Variants in SPAG1 observed in about 807,000 individuals in gnomAD.
SPAG1 encodes sperm-associated antigen 1.
A neutral mutation model predicts 100.5 loss-of-function variants in SPAG1; 69 were observed. That is an observed-to-expected ratio of 0.69 (90% CI 0.57 to 0.84). The LOEUF is 0.84. Ranked by LOEUF, SPAG1 falls within the 40% of genes least tolerant of loss-of-function variation. The pLI, the probability that SPAG1 is intolerant of heterozygous loss-of-function variation, is 0.00. For missense variants in SPAG1, 955 were observed against 1,133.1 expected, an observed-to-expected ratio of 0.84 and a Z score of 2.26; for synonymous variants, 336 against 411.6, an observed-to-expected ratio of 0.82 and a Z score of 2.22.
chr8:100,170,799 CCATTTATT>C (rs1815783400), intron 3 of SPAG1, among the ~76,000 whole-genome samples: 1 of 134,808 alleles, frequency 7.4e-6, no homozygotes, highest in Non-Finnish European at 1.6e-5. Context: ...TTCCAGTCTG[CCATTTATT>C]TATTTATTTA....
At position 100,165,801 on chromosome 8, in the gene SPAG1, A is replaced by C; in HGVS notation, c.141-13A>C. 1 of 1,603,192 alleles carries C rather than the reference A, an allele frequency of 6.2e-7. No individual in the cohort carries two copies. The highest frequency in any genetic ancestry group is 8.5e-7 in the Non-Finnish European group (1 of 1,175,812). ...AAGGTGCTAACTCTAAAACTTATTT[A>C]TTTCTTTTTAAGATCTGGTGAGGAA... On this transcript the variant is annotated splice_polypyrimidine_tract_variant and intron_variant, in intron 2 of 18. Coordinates refer to ENST00000388798, the MANE Select transcript of SPAG1 (RefSeq NM_003114.5).
intron 13 of SPAG1, among the ~76,000 whole-genome samples, chr8:100,222,086 AC>A (rs1422562176): frequency 1.3e-5 from 2 of 152,142 alleles, no homozygotes; most frequent in Non-Finnish European, 2.9e-5. Context: ...CTGCACAGCC[AC>A]CCCACGGTGC....
chr8:100,158,839 C>G (rs1563763954), intron 1 of SPAG1: 2 of 151,806 alleles, frequency 1.3e-5, no homozygotes, highest in African/African-American at 4.8e-5. Context: ...AAAAGAGAAT[C>G]CTTTTTTTTC....
chr8:100,158,764 T>G (rs1815178077), intron 1 of SPAG1, 148 bp downstream of exon 1: 1 of 152,188 alleles, frequency 6.6e-6, no homozygotes, highest in South Asian at 2.1e-4. Context: ...GTATAACTTG[T>G]TTTTTGGAAC....
In SPAG1 at chr8:100,177,875, A is replaced by G; in HGVS notation, c.360A>G (p.Thr120=). Reference sequence around the variant, plus strand: ...AAATGCACTTTCATGAAACTGAGACATTTCCAGCAATGAAAGATAATTTGC... The same window carrying G: ...AAATGCACTTTCATGAAACTGAGACGTTTCCAGCAATGAAAGATAATTTGC... ...EDKMHFHETE[T]FPAMKDNLPP... The change falls in exon 4 of 19, where the codon ACA becomes ACG. Residue 120 remains threonine (T), a synonymous_variant. Transcript: ENST00000388798. 6.2e-7 allele frequency: 1 copy of G among 1,600,100 alleles called. No homozygotes were observed. Among genetic ancestry groups the G allele is most frequent in the Non-Finnish European group, 8.6e-7 (1 of 1,167,350 alleles).
At chr8:100,234,119 G>A (rs1209171753) in intron 16 of SPAG1, among the ~76,000 whole-genome samples, 1 of 152,144 alleles carries the variant, frequency 6.6e-6, no homozygotes, top group Non-Finnish European at 1.5e-5. Context: ...CTTCTGCATG[G>A]AAATCCTGAG....
chr8:100,212,998 T>TC, intron 10 of SPAG1, 92 bp from the exon 11 acceptor site: 1 of 1,075,200 alleles, frequency 9.3e-7, no homozygotes, highest in Non-Finnish European at 1.2e-6. Flanking sequence ...GAGCCCGCCC[T>TC]CCGCGTCCTG....
At chr8:100,240,081 G>A (rs1819188259) in intron 17 of SPAG1, among the ~76,000 whole-genome samples, 2 of 152,130 alleles carry the variant, frequency 1.3e-5, no homozygotes, top group Non-Finnish European at 1.5e-5. Context: ...ATCGAGCAAT[G>A]TAAGTTCATT....
At chr8:100,238,886 T>G (rs1423460948) in intron 16 of SPAG1, among the ~76,000 whole-genome samples, 1 of 152,216 alleles carries the variant, frequency 6.6e-6, no homozygotes, top group African/African-American at 2.4e-5. Context: ...ATCTTAAGTT[T>G]CATTGCTAGT....
intron 15 of SPAG1, among the ~76,000 whole-genome samples, chr8:100,232,185 C>A (rs1298744378): frequency 6.6e-6 from 1 of 152,110 alleles, no homozygotes; most frequent in Admixed American, 6.6e-5. Flanking sequence ...TTCTGTTCAG[C>A]CTCTGTAGGA....
intron 10 of SPAG1, among the ~76,000 whole-genome samples, chr8:100,205,464 C>T (rs552955676): frequency 3.0e-4 from 46 of 152,186 alleles, no homozygotes; most frequent in Admixed American, 5.2e-4. Flanking sequence ...GGACTTACAG[C>T]GGGTTCAGTG....
At chr8:100,190,038 C>T (rs899689105) in intron 8 of SPAG1, among the ~76,000 whole-genome samples, 7 of 152,052 alleles carry the variant, frequency 4.6e-5, no homozygotes, top group African/African-American at 7.2e-5. Context: ...CAGGCAGGCG[C>T]GGTGGCTCAT....
At chr8:100,205,233 C>G (rs1386905905) in intron 10 of SPAG1, among the ~76,000 whole-genome samples, 1 of 152,142 alleles carries the variant, frequency 6.6e-6, no homozygotes, top group Non-Finnish European at 1.5e-5. Flanking sequence ...CACTACAGTA[C>G]CAACAATTTA....
chr8:100,191,261 G>T (rs1008561767), intron 8 of SPAG1, 129 bp from the exon 9 acceptor site: 4 of 609,362 alleles, frequency 6.6e-6, no homozygotes, highest in Non-Finnish European at 1.2e-5. Flanking sequence ...ATGAAAAAGG[G>T]TGTAGTTGAG....
At position 100,183,427 on chromosome 8, in the gene SPAG1, A is replaced by G; in HGVS notation, c.479A>G (p.Glu160Gly). The G allele has an allele frequency of 6.7e-7, 1 of 1,496,680 alleles. No homozygotes were observed. The highest frequency in any genetic ancestry group is 9.2e-7 in the Non-Finnish European group (1 of 1,084,260). 92.7% of individuals were successfully genotyped at this position (1,496,680 alleles called of 1,614,324 possible). A position where few individuals can be genotyped will look rare whatever the true frequency, so the allele number is the denominator to read the frequency against. ...TKKKTPRDYA[E>G]WDKFDVEKEC... Reference sequence around the variant, plus strand: ...AAGAAAACTCCAAGGGATTACGCGGAATGGGATAAGTATGTTTTACATGTC... The same window carrying G: ...AAGAAAACTCCAAGGGATTACGCGGGATGGGATAAGTATGTTTTACATGTC... Residue 160 changes from glutamate to glycine, a missense_variant, in exon 5 of 19, where the codon GAA becomes GGA. Coordinates refer to ENST00000388798, the MANE Select transcript of SPAG1 (RefSeq NM_003114.5).
At chr8:100,162,541 A>C (rs1412616739) in intron 2 of SPAG1, 121 bp downstream of exon 2, 1 of 767,950 alleles carries the variant, frequency 1.3e-6, no homozygotes, top group Non-Finnish European at 2.0e-6. Context: ...GTAGGTCCCA[A>C]AATAGTGGTT....
chr8:100,225,120 T>C, intron 13 of SPAG1, 53 bp from the exon 14 acceptor site: 1 of 1,449,950 alleles, frequency 6.9e-7, no homozygotes, highest in Non-Finnish European at 9.6e-7. Flanking sequence ...TGACCTTCAG[T>C]AATATAAAAA....
chr8:100,165,130 T>C (rs139377422), intron 2 of SPAG1: 56 of 379,446 alleles, frequency 1.5e-4, no homozygotes, highest in Non-Finnish European at 2.4e-4. Flanking sequence ...GGTGTTTTCA[T>C]AGTGTGTTAA....
intron 4 of SPAG1, among the ~76,000 whole-genome samples, chr8:100,181,847 A>C (rs80032506): frequency 0.016 from 2,456 of 152,334 alleles, 34 homozygotes; most frequent in Middle Eastern, 0.048. Context: ...TACCGGGGTT[A>C]GGACTTCATC....
Sources: gnomAD v4.1 joint callset for allele counts (sites outside exome capture counted in the v4.1 genomes callset) on GRCh38, gnomAD v4.1.1 for gene constraint, MANE v1.5 for transcripts, NCBI Gene and HGNC (gene_info 2026-07-23, HGNC 2026-07-21) for gene names.